CLOCK: variants seen among roughly 807,000 people sequenced by gnomAD.
The protein encoded by CLOCK is clock circadian regulator, also known as circadian locomoter output cycles protein kaput.
A neutral mutation model predicts 118.4 loss-of-function variants in CLOCK; 43 were observed. That is an observed-to-expected ratio of 0.36 (90% confidence interval 0.28 to 0.47). The LOEUF is 0.47. CLOCK is among the 20% of genes least tolerant of loss of function. The probability of loss-of-function intolerance (pLI) is 1.00; values close to 1 mark genes in which losing one functional copy is unlikely to be tolerated. For missense variants in CLOCK, 846 were observed against 999.9 expected, an observed-to-expected ratio of 0.85 and a Z score of 2.08; for synonymous variants, 326 against 339.2, an observed-to-expected ratio of 0.96 and a Z score of 0.43.
At chr4:55,517,922 C>T (rs564883304) in intron 1 of CLOCK, among the ~76,000 whole-genome samples, 1 of 152,040 alleles carries the variant, frequency 6.6e-6, no homozygotes, top group South Asian at 2.1e-4. Flanking sequence ...CCCTTTGGTA[C>T]AGAAATATAG....
At chr4:55,542,331 G>A (rs1000358643) in intron 1 of CLOCK, among the ~76,000 whole-genome samples, 8 of 147,124 alleles carry the variant, frequency 5.4e-5, no homozygotes, top group African/African-American at 2.0e-4. Flanking sequence ...GTGACAGAGA[G>A]AGACTCTGTC....
Position 55,448,819 on chromosome 4 carries a change from G to C in CLOCK, c.1499C>G (p.Ser500Cys), listed in dbSNP as rs200714161. Reference protein sequence around the residue: ...VGSSLTQPVMSQATNLPIPQG... With the variant: ...VGSSLTQPVMCQATNLPIPQG... ...TGGAATTGGTAAATTTGTAGCTTGA[G>C]ACATCACTGGCTGTGTTAATGATGA... Residue 500 changes from serine to cysteine, a missense_variant, in exon 18 of 23, where the codon TCT becomes TGT. Physicochemically the swap from Ser to Cys is moderately radical, Grantham distance 112. This residue lies in a region of CLOCK where 520 missense variants were observed against 558.0 expected (regional missense o/e 0.93). Transcript: ENST00000513440. 5.0e-5 allele frequency: 81 copies of C among 1,613,870 alleles called. No homozygotes were observed. The highest frequency in any genetic ancestry group is 9.3e-6 in the Non-Finnish European group (11 of 1,179,960).
intron 15 of CLOCK, chr4:55,452,803 C>T: frequency 6.2e-6 from 2 of 323,926 alleles, no homozygotes. Context: ...ATAACCTAGC[C>T]AGAGACTAGT....
At chr4:55,457,486 T>C (rs1724999606) in intron 11 of CLOCK, among the ~76,000 whole-genome samples, 1 of 152,204 alleles carries the variant, frequency 6.6e-6, no homozygotes, top group African/African-American at 2.4e-5. Flanking sequence ...CATCTTCTCT[T>C]CTAGGGCCAC....
intron 1 of CLOCK, among the ~76,000 whole-genome samples, chr4:55,512,274 CCATT>C (rs1274309462): frequency 6.6e-6 from 1 of 152,098 alleles, no homozygotes. Flanking sequence ...TGGATTTTCA[CCATT>C]CAAATATGTA....
chr4:55,503,978 T>TAAAAGAAAAAAAGAAA (rs1553900254), intron 2 of CLOCK, among the ~76,000 whole-genome samples: 1 of 71,130 alleles, frequency 1.4e-5, no homozygotes, highest in Non-Finnish European at 2.5e-5. Flanking sequence ...CAAAAAGAGG[T>TAAAAGAAAAAAAGAAA]AAAAAAAAAA....
At chr4:55,512,111 G>T (rs1474035162) in intron 1 of CLOCK, among the ~76,000 whole-genome samples, 3 of 151,740 alleles carry the variant, frequency 2.0e-5, no homozygotes, top group Non-Finnish European at 4.4e-5. Context: ...CAATTCTTTG[G>T]TTGCTAGATC....
chr4:55,511,808 C>A (rs1729164862), intron 1 of CLOCK, among the ~76,000 whole-genome samples: 1 of 152,072 alleles, frequency 6.6e-6, no homozygotes, highest in African/African-American at 2.4e-5. Context: ...TTTTTTATTA[C>A]CTCCATAATT....
intron 8 of CLOCK, among the ~76,000 whole-genome samples, chr4:55,467,033 T>G (rs1012020277): frequency 1.3e-5 from 2 of 152,174 alleles, no homozygotes; most frequent in African/African-American, 4.8e-5. Context: ...AAACTGGGTA[T>G]AGTGCACATG....
chr4:55,521,645 C>T (rs1006002697), intron 1 of CLOCK, among the ~76,000 whole-genome samples: 4 of 152,220 alleles, frequency 2.6e-5, no homozygotes, highest in Non-Finnish European at 5.9e-5. Context: ...TTGGCCTTCA[C>T]AAATATGCAA....
At chr4:55,531,885 G>A (rs907126625) in intron 1 of CLOCK, among the ~76,000 whole-genome samples, 1 of 145,548 alleles carries the variant, frequency 6.9e-6, no homozygotes. Context: ...ATAATGAATA[G>A]TGATTTTTTA....
At chr4:55,440,287 C>T (rs1358312694) in intron 21 of CLOCK, among the ~76,000 whole-genome samples, 4 of 152,278 alleles carry the variant, frequency 2.6e-5, no homozygotes, top group South Asian at 2.1e-4. Flanking sequence ...CGCAGCATAG[C>T]GTCCTCTGTG....
chr4:55,524,922 A>G (rs1292543575), intron 1 of CLOCK, among the ~76,000 whole-genome samples: 2 of 140,344 alleles, frequency 1.4e-5, no homozygotes, highest in African/African-American at 5.3e-5. Context: ...ACTTTGGGAA[A>G]TGCAAAAATC....
intron 1 of CLOCK, among the ~76,000 whole-genome samples, chr4:55,538,524 T>C (rs1362843606): frequency 1.3e-5 from 2 of 152,034 alleles, no homozygotes; most frequent in South Asian, 2.1e-4. Flanking sequence ...CGATAGAAAA[T>C]ATCCAAACAG....
intron 18 of CLOCK, among the ~76,000 whole-genome samples, chr4:55,447,135 G>A (rs1723925736): frequency 6.6e-6 from 1 of 151,910 alleles, no homozygotes. Flanking sequence ...GGGAGGCCGA[G>A]GTGGGCAGAA....
chr4:55,505,666 A>G lies in CLOCK; in HGVS notation c.-136+4246T>C, dbSNP rs529203835. On this transcript the variant is annotated intron_variant, in intron 2 of 22. Coordinates refer to ENST00000513440, the MANE Select transcript of CLOCK (RefSeq NM_004898.4). ...GTGACAGAACAAGACCTTGTCTCAA[A>G]ATAAAAAATAAAAAATAAAATTAAC... 5.7e-4 allele frequency among the ~76,000 whole-genome samples: 86 copies of G among 152,064 alleles called. No homozygotes were observed. In the Middle Eastern group the frequency reaches 0.017, roughly 30 times the overall value.
At chr4:55,543,006 T>G (rs554793475) in intron 1 of CLOCK, among the ~76,000 whole-genome samples, 3 of 152,228 alleles carry the variant, frequency 2.0e-5, no homozygotes, top group Admixed American at 6.5e-5. Flanking sequence ...GCTGAACTCC[T>G]GGGTTCAAGT....
chr4:55,508,982 C>T (rs6843997), intron 2 of CLOCK, among the ~76,000 whole-genome samples: 46,144 of 152,110 alleles, frequency 0.3, 7,626 homozygotes, highest in East Asian at 0.58. Flanking sequence ...GCCTACTATA[C>T]ACCTAGACGA....
rs141429715 is a variant in CLOCK, at chr4:55,523,538, T to C, written c.-289-13473A>G. Among the ~76,000 whole-genome samples, 1,034 of 152,302 alleles carry C rather than the reference T, an allele frequency of 6.8e-3. 6 individuals are homozygous for C. The highest frequency in any genetic ancestry group is 0.012 in the Non-Finnish European group (815 of 68,020). ...ATTAAACATATCACAACCAAATTTT[T>C]ATTCCATTTTTTGAGGCTTTGAAAG... On this transcript the variant is annotated intron_variant, in intron 1 of 22. Transcript: ENST00000513440.
Sources: allele counts gnomAD v4.1 joint callset (sites outside exome capture counted in the v4.1 genomes callset), GRCh38; gene constraint gnomAD v4.1.1; regional missense constraint gnomAD v4.1.1; transcripts MANE v1.5; gene names NCBI Gene and HGNC (gene_info 2026-07-23, HGNC 2026-07-21).